The following GJC2 variants were observed in gnomAD, a reference collection of about 807,000 sequenced individuals.
GJC2 encodes gap junction gamma-2 protein.
For synonymous variants in GJC2, 336 were observed against 307.5 expected (o/e 1.09, Z -0.97); for missense variants, 647 against 648.9 (o/e 1.00, Z 0.03).
chr1:228,158,219 A>T lies in GJC2; in HGVS notation c.461A>T (p.Glu154Val). 6.7e-7 allele frequency: 1 copy of T among 1,497,420 alleles called. No individual in the cohort carries two copies. The highest frequency in any genetic ancestry group is 8.9e-7 in the Non-Finnish European group (1 of 1,127,208). 92.8% of individuals were successfully genotyped at this position (1,497,420 alleles called of 1,614,324 possible). Residue 154 changes from glutamate (E) to valine (V), a missense_variant, in exon 2 of 2, where the codon GAG becomes GTG. By Grantham distance (121) the Glu-to-Val change is moderately radical (BLOSUM62 -2). Transcript: ENST00000366714. This position sits in a 1 kb window ranked among gnomAD's most constrained non-coding sequence, Gnocchi z 8.3. ...EEPMLGLGEE[E>V]EEEETGAAEG... Reference sequence around the variant, plus strand: ...CCCATGCTGGGCCTGGGCGAGGAGGAGGAGGAGGAGGAGACGGGGGCAGCC... The same window carrying T: ...CCCATGCTGGGCCTGGGCGAGGAGGTGGAGGAGGAGGAGACGGGGGCAGCC...
Position 228,150,615 on chromosome 1 carries a change from C to T in GJC2, c.-20+608C>T, listed in dbSNP as rs12740965. Among the ~76,000 whole-genome samples the T allele has an allele frequency of 2.0e-5, 3 of 152,112 alleles. No homozygotes were observed. In the South Asian group the frequency reaches 6.2e-4, roughly 31 times the overall value. ...GTGATTAACTGGGTGGAGGCCCCCCCGGGGTGCTGGGGCAGGCCCTCAGTG... is the reference window on the plus strand; with the variant it reads ...GTGATTAACTGGGTGGAGGCCCCCCTGGGGTGCTGGGGCAGGCCCTCAGTG... On this transcript the variant is annotated intron_variant, in intron 1 of 1. Coordinates refer to ENST00000366714, the MANE Select transcript of GJC2 (RefSeq NM_020435.4). The surrounding 1 kb of genome is among the most constrained non-coding windows in gnomAD (Gnocchi z 4.6).
intron 1 of GJC2, among the ~76,000 whole-genome samples, chr1:228,157,021 A>T (rs2034689918): frequency 6.6e-6 from 1 of 152,116 alleles, no homozygotes; most frequent in African/African-American, 2.4e-5. Flanking sequence ...AGGACCAGGA[A>T]CCTAGACTGG....
Position 228,157,786 on chromosome 1 carries a change from A to G in GJC2, c.28A>G (p.Thr10Ala). The G allele has an allele frequency of 8.6e-7, 1 of 1,166,118 alleles. No homozygotes were observed. Among genetic ancestry groups the G allele is most frequent in the Non-Finnish European group, 1.1e-6 (1 of 881,908 alleles). The allele number at this position is 1,166,118 out of a possible 1,614,324, so 72.2% of individuals were successfully genotyped here. Residue 10 changes from threonine (T) to alanine (A), a missense_variant, in exon 2 of 2, where the codon ACG (threonine) becomes GCG (alanine). Coordinates refer to ENST00000366714, the MANE Select transcript of GJC2 (RefSeq NM_020435.4). The part of the protein sequence containing the change: MTNMSWSFL[T>A]RLLEEIHNHS... ...GACCAACATGAGCTGGAGCTTCCTG[A>G]CGCGGCTGCTGGAGGAGATCCACAA...
chr1:228,154,350 T>G lies in GJC2; in HGVS notation c.-19-3390T>G, dbSNP rs2124963834. Among the ~76,000 whole-genome samples the G allele has an allele frequency of 2.0e-5, 3 of 152,306 alleles. No homozygotes were observed. The Middle Eastern group carries it at 0.01, about 522-fold the overall frequency. On this transcript the variant is annotated intron_variant, in intron 1 of 1. Transcript: ENST00000366714. ...GTGGGATCCCTTTCACCCTCATGTT[T>G]CCTTATGAGTCTTCAGGGGGATGGG...
Position 228,150,247 on chromosome 1 carries a change from C to T in GJC2, c.-20+240C>T, listed in dbSNP as rs2034597019. On this transcript the variant is annotated intron_variant, in intron 1 of 1. Coordinates refer to ENST00000366714, the MANE Select transcript of GJC2 (RefSeq NM_020435.4). The surrounding 1 kb of genome is among the most constrained non-coding windows in gnomAD (Gnocchi z 4.6). ...TGTCCTTCAGGCCCAGCTGCCTTCA[C>T]CGCAGGGTGGGCACCAACCGGTGGG... Among the ~76,000 whole-genome samples, 1 of 152,190 alleles carries T rather than the reference C, an allele frequency of 6.6e-6. No individual in the cohort carries two copies. The highest frequency in any genetic ancestry group is 1.5e-5 in the Non-Finnish European group (1 of 68,016).
chr1:228,156,579 C>T (rs182102752), intron 1 of GJC2, among the ~76,000 whole-genome samples: 3 of 152,350 alleles, frequency 2.0e-5, no homozygotes, highest in Admixed American at 1.3e-4. Flanking sequence ...CTTCCTGCCC[C>T]GGGTGGGGAG....
chr1:228,155,646 A>G (rs2034669320), intron 1 of GJC2, among the ~76,000 whole-genome samples: 1 of 140,744 alleles, frequency 7.1e-6, no homozygotes, highest in African/African-American at 2.5e-5. Flanking sequence ...CCCTGAGACC[A>G]GGACCCAGGT....
rs1224011991 is a variant in GJC2, at chr1:228,158,935, C to G, written c.1177C>G (p.Arg393Gly). The change falls in exon 2 of 2, where the codon CGG (arginine) becomes GGG (glycine). Residue 393 changes from arginine to glycine, a missense_variant. Physicochemically the swap from Arg to Gly is moderately radical, Grantham distance 125. Coordinates refer to ENST00000366714, the MANE Select transcript of GJC2 (RefSeq NM_020435.4). The surrounding 1 kb of genome is among the most constrained non-coding windows in gnomAD (Gnocchi z 8.3). ...GPPRAGAPAS[R>G]TGSATSAGTV... The stretch of plus-strand genomic sequence containing the variant: ...CCCCAGAGCAGGCGCCCCCGCGTCC[C>G]GGACGGGCAGTGCTACCTCTGCGGG... The G allele has an allele frequency of 6.5e-7, 1 of 1,538,134 alleles. No homozygotes were observed. The highest frequency in any genetic ancestry group is 2.0e-5 in the Admixed American group (1 of 51,202).
At position 228,155,788 on chromosome 1, in the gene GJC2, T is replaced by G. The variant is rs369075267; in HGVS notation, c.-19-1952T>G. Among the ~76,000 whole-genome samples the G allele has an allele frequency of 2.6e-5, 4 of 152,300 alleles. No individual in the cohort carries two copies. The South Asian group carries it at 8.3e-4, about 32-fold the overall frequency. ...ACAGTGGTCTCCAGAGCTGAGCCAA[T>G]GGCGCCGTTTCCTCAGCTGAATCAA... On this transcript the variant is annotated intron_variant, in intron 1 of 1. Transcript: ENST00000366714.
intron 1 of GJC2, among the ~76,000 whole-genome samples, chr1:228,154,838 C>G (rs1277677168): frequency 6.6e-6 from 1 of 152,244 alleles, no homozygotes; most frequent in Non-Finnish European, 1.5e-5. Context: ...TTGCGCCAGG[C>G]TCTTCTGTAC....
At chr1:228,154,929 C>T (rs776929880) in intron 1 of GJC2, among the ~76,000 whole-genome samples, 1 of 152,218 alleles carries the variant, frequency 6.6e-6, no homozygotes, top group African/African-American at 2.4e-5. Context: ...AGGTAGGAAC[C>T]AAGGCCTGGG....
In GJC2 at chr1:228,158,884, G is replaced by A. The variant is rs1200967769; in HGVS notation, c.1126G>A (p.Gly376Ser). The change falls in exon 2 of 2, where the codon GGC becomes AGC. Residue 376 changes from glycine (G) to serine (S), a missense_variant. Transcript: ENST00000366714. The surrounding 1 kb of genome is among the most constrained non-coding windows in gnomAD (Gnocchi z 8.3). Reference sequence around the variant, plus strand: ...CGACCGGGACAGTTCGCCGTGCGTCGGCCTCCCTGCGGCCTCCCGGGGGCC... The same window carrying A: ...CGACCGGGACAGTTCGCCGTGCGTCAGCCTCCCTGCGGCCTCCCGGGGGCC... ...DRDRDSSPCV[G>S]LPAASRGPPR... 6.7e-7 allele frequency: 1 copy of A among 1,488,512 alleles called. No individual in the cohort carries two copies. Among genetic ancestry groups the A allele is most frequent in the Non-Finnish European group, 8.9e-7 (1 of 1,127,890 alleles). 92.2% of individuals were successfully genotyped at this position (1,488,512 alleles called of 1,614,324 possible).
chr1:228,151,127 G>T lies in GJC2; in HGVS notation c.-20+1120G>T, dbSNP rs940210909. On this transcript the variant is annotated intron_variant, in intron 1 of 1. Coordinates refer to ENST00000366714, the MANE Select transcript of GJC2 (RefSeq NM_020435.4). The surrounding 1 kb of genome is among the most constrained non-coding windows in gnomAD (Gnocchi z 5.4). The stretch of plus-strand genomic sequence containing the variant: ...CCTGAGGGAGGGAACTCAAGAACAG[G>T]CTGCAGGAGGGGCCCACGCATTCAC... Among the ~76,000 whole-genome samples, 1 of 152,156 alleles carries T rather than the reference G, an allele frequency of 6.6e-6. No homozygotes were observed. The highest frequency in any genetic ancestry group is 6.5e-5 in the Admixed American group (1 of 15,284).
Position 228,158,243 on chromosome 1 carries a change from CCGAGGGCGCCGG to C in GJC2, c.491_502del (p.Gly164_Glu167del). ...GAGGAGGAGGAGGAGACGGGGGCAG[CCGAGGGCGCCGG>C]CGAGGAAGCGGAGGAGGCAGGCGCG... On this transcript the variant is annotated inframe_deletion, in exon 2 of 2. Coordinates refer to ENST00000366714, the MANE Select transcript of GJC2 (RefSeq NM_020435.4). This position sits in a 1 kb window ranked among gnomAD's most constrained non-coding sequence, Gnocchi z 8.3. The C allele has an allele frequency of 6.6e-7, 1 of 1,509,908 alleles. No individual in the cohort carries two copies. The highest frequency in any genetic ancestry group is 8.8e-7 in the Non-Finnish European group (1 of 1,132,898). The allele number at this position is 1,509,908 out of a possible 1,614,324, so 93.5% of individuals were successfully genotyped here.
chr1:228,157,669 T>C lies in GJC2; in HGVS notation c.-19-71T>C, dbSNP rs567296544. 4.3e-5 allele frequency: 37 copies of C among 851,132 alleles called. 1 individual carries two copies. The South Asian group carries it at 5.7e-4, about 13-fold the overall frequency. 52.7% of individuals were successfully genotyped at this position (851,132 alleles called of 1,614,324 possible). A position where few individuals can be genotyped will look rare whatever the true frequency, so the allele number is the denominator to read the frequency against. On this transcript the variant is annotated intron_variant, in intron 1 of 1. Coordinates refer to ENST00000366714, the MANE Select transcript of GJC2 (RefSeq NM_020435.4). Reference sequence around the variant, plus strand: ...AGAGGGGCCAGCTGCGAGGCAAGCCTGGAGCCCCGGCTCTGAGCGCCGCGG... The same window carrying C: ...AGAGGGGCCAGCTGCGAGGCAAGCCCGGAGCCCCGGCTCTGAGCGCCGCGG...
At chr1:228,153,112 C>T (rs953866804) in intron 1 of GJC2, among the ~76,000 whole-genome samples, 1 of 152,140 alleles carries the variant, frequency 6.6e-6, no homozygotes, top group Non-Finnish European at 1.5e-5. Flanking sequence ...TCCCGTGGGC[C>T]TCCACCAAGC....
At chr1:228,155,712 A>G (rs1196603845) in intron 1 of GJC2, among the ~76,000 whole-genome samples, 1 of 150,160 alleles carries the variant, frequency 6.7e-6, no homozygotes, top group South Asian at 2.1e-4. Context: ...AGGCCCCCAG[A>G]GCTAAGTGCC....
chr1:228,158,673 G>GGCCTCC lies in GJC2; in HGVS notation c.919_924dup (p.Ser307_Ala308dup). On this transcript the variant is annotated inframe_insertion, in exon 2 of 2. Transcript: ENST00000366714. This position sits in a 1 kb window ranked among gnomAD's most constrained non-coding sequence, Gnocchi z 8.3. ...CGGTGCGCGGCCGCCGCGGCCCCCC[G>GGCCTCC]GCCTCCGCCCCCGCCCCCGCGCCGC... 2 of 1,264,838 alleles carry GGCCTCC rather than the reference G, an allele frequency of 1.6e-6. No individual in the cohort carries two copies. Among genetic ancestry groups the GGCCTCC allele is most frequent in the Non-Finnish European group, 2.0e-6 (2 of 988,116 alleles). The allele number at this position is 1,264,838 out of a possible 1,614,324, so 78.4% of individuals were successfully genotyped here.
In GJC2 at chr1:228,158,166, T is replaced by C. The variant is rs1226490782; in HGVS notation, c.408T>C (p.Pro136=). 3.6e-6 allele frequency: 5 copies of C among 1,389,288 alleles called. No homozygotes were observed. The Admixed American group carries it at 9.6e-5, about 27-fold the overall frequency. 86.1% of individuals were successfully genotyped at this position (1,389,288 alleles called of 1,614,324 possible). The change falls in exon 2 of 2, where the codon CCT becomes CCC. Residue 136 remains proline (P), a synonymous_variant. Coordinates refer to ENST00000366714, the MANE Select transcript of GJC2 (RefSeq NM_020435.4). The surrounding 1 kb of genome is among the most constrained non-coding windows in gnomAD (Gnocchi z 8.3). ...AHLPPPHAGW[P]EPADLGEEEP... is the part of the protein sequence containing the mutation. Reference sequence around the variant, plus strand: ...TGCCGCCCCCGCACGCCGGCTGGCCTGAGCCCGCCGACCTGGGCGAGGAGG... The same window carrying C: ...TGCCGCCCCCGCACGCCGGCTGGCCCGAGCCCGCCGACCTGGGCGAGGAGG...
Sources: allele counts gnomAD v4.1 joint callset (sites outside exome capture counted in the v4.1 genomes callset), GRCh38; gene constraint gnomAD v4.1.1; non-coding constraint Gnocchi (gnomAD v3.1); transcripts MANE v1.5; gene names NCBI Gene and HGNC (gene_info 2026-07-23, HGNC 2026-07-21).